The following NALF1 variants were observed in gnomAD, a reference collection of about 807,000 sequenced individuals.
NALF1 encodes the protein NALCN channel auxiliary factor 1, also known as family with sequence similarity 155 member A.
In NALF1, 3 loss-of-function variants were observed where a neutral mutation model predicts 48.4. The ratio of observed to expected loss-of-function variants is 0.06; its 90% CI spans 0.03 to 0.16. The LOEUF (loss-of-function observed/expected upper bound fraction) is 0.16, where lower values mean the gene tolerates loss of function less well. Among genes scored for constraint, NALF1 ranks in the 10% least tolerant of loss-of-function variants. The probability of loss-of-function intolerance (pLI) is 1.00; values close to 1 mark genes in which losing one functional copy is unlikely to be tolerated. For synonymous variants in NALF1, 262 were observed against 245.7 expected, an observed-to-expected ratio of 1.07 and a Z score of -0.62; for missense variants, 526 against 571.5, an observed-to-expected ratio of 0.92 and a Z score of 0.81.
intron 1 of NALF1, among the ~76,000 whole-genome samples, chr13:107,340,852 A>C (rs2138934300): frequency 6.6e-6 from 1 of 152,340 alleles, no homozygotes; most frequent in Non-Finnish European, 1.5e-5. Context: ...GCAATGGGAC[A>C]GCCTTTCAAC....
chr13:107,520,042 G>A (rs1876186114), intron 1 of NALF1, among the ~76,000 whole-genome samples: 1 of 152,146 alleles, frequency 6.6e-6, no homozygotes, highest in Non-Finnish European at 1.5e-5. Context: ...AATGCTTTAT[G>A]ATGATCTTTA....
rs1001113345 is a variant in NALF1, at chr13:107,198,144, C to T, written c.1087+12440G>A. ...TTTTAAATAGGTTTAATTTTTAGTG[C>T]AGTTTTAAATTTTCAGCAATATTGA... On this transcript the variant is annotated intron_variant, in intron 2 of 2. Transcript: ENST00000375915. Among the ~76,000 whole-genome samples, 7 of 152,098 alleles carry T rather than the reference C, an allele frequency of 4.6e-5. No individual in the cohort carries two copies. The South Asian group carries it at 1.2e-3, about 27-fold the overall frequency.
At position 107,684,028 on chromosome 13, in the gene NALF1, C is replaced by T. The variant is rs150425361; in HGVS notation, c.915+181654G>A. ...CCTTTCATCCATTTGTTCCCCATCT[C>T]GGCTGCCCAGAGCACTCCGGATTCA... is the stretch of plus-strand genomic sequence containing the variant. On this transcript the variant is annotated intron_variant, in intron 1 of 2. Coordinates refer to ENST00000375915, the MANE Select transcript of NALF1 (RefSeq NM_001080396.3). Among the ~76,000 whole-genome samples the T allele has an allele frequency of 1.3e-3, 191 of 152,296 alleles. 1 individual carries two copies. The highest frequency in any genetic ancestry group is 1.6e-3 in the Non-Finnish European group (108 of 68,032).
intron 1 of NALF1, among the ~76,000 whole-genome samples, chr13:107,386,466 A>C (rs2138978845): frequency 6.6e-6 from 1 of 152,272 alleles, no homozygotes; most frequent in Non-Finnish European, 1.5e-5. Context: ...TCTTCTCCTA[A>C]CTATTCATTC....
At chr13:107,276,286 A>G (rs1241101309) in intron 1 of NALF1, among the ~76,000 whole-genome samples, 2 of 152,200 alleles carry the variant, frequency 1.3e-5, no homozygotes, top group Admixed American at 1.3e-4. Flanking sequence ...GATGTCCAGA[A>G]TAGCTACTAA....
chr13:107,486,270 G>A (rs1049117122), intron 1 of NALF1, among the ~76,000 whole-genome samples: 2 of 152,076 alleles, frequency 1.3e-5, no homozygotes, highest in African/African-American at 4.8e-5. Flanking sequence ...GGACACTATG[G>A]GCTTTTTCTC....
At chr13:107,473,745 C>T (rs1885135837) in intron 1 of NALF1, among the ~76,000 whole-genome samples, 1 of 152,284 alleles carries the variant, frequency 6.6e-6, no homozygotes, top group East Asian at 1.9e-4. Context: ...CTGCTCCCTG[C>T]CCCAATGGTT....
intron 2 of NALF1, among the ~76,000 whole-genome samples, chr13:107,188,003 CATA>C (rs931508383): frequency 2.6e-5 from 4 of 152,164 alleles, no homozygotes; most frequent in East Asian, 1.9e-4. Flanking sequence ...TTCATTCAAT[CATA>C]ATAAGATTTA....
intron 1 of NALF1, among the ~76,000 whole-genome samples, chr13:107,647,649 G>A (rs1015482908): frequency 6.6e-6 from 1 of 151,992 alleles, no homozygotes; most frequent in Non-Finnish European, 1.5e-5. Context: ...GTGACAACTT[G>A]TATGGCCTGA....
rs66566638 is a variant in NALF1 at position 107,191,833 on chromosome 13, ATTT to A, written c.1087+18748_1087+18750del. Among the ~76,000 whole-genome samples, 430 of 112,172 alleles carry A rather than the reference ATTT, an allele frequency of 3.8e-3. 1 individual carries two copies. Among genetic ancestry groups the A allele is most frequent in the African/African-American group, 0.014 (382 of 28,272 alleles). 73.6% of individuals were successfully genotyped at this position (112,172 alleles called of 152,430 possible). A position where few individuals can be genotyped will look rare whatever the true frequency, so the allele number is the denominator to read the frequency against. ...ATTACAGGCTTGTGCCACTATGCCT[ATTT>A]TTTTTTTTTTTTTTTTTGTATTTTT... is the stretch of plus-strand genomic sequence containing the variant. On this transcript the variant is annotated intron_variant, in intron 2 of 2. Coordinates refer to ENST00000375915, the MANE Select transcript of NALF1 (RefSeq NM_001080396.3).
At chr13:107,652,352 GTTA>G (rs1327956019) in intron 1 of NALF1, among the ~76,000 whole-genome samples, 32 of 152,198 alleles carry the variant, frequency 2.1e-4, no homozygotes, top group African/African-American at 7.0e-4. Flanking sequence ...ATATTTAAAT[GTTA>G]TTATTAGAGA....
At chr13:107,680,382 G>A (rs1248038824) in intron 1 of NALF1, among the ~76,000 whole-genome samples, 1 of 149,108 alleles carries the variant, frequency 6.7e-6, no homozygotes, top group East Asian at 2.0e-4. Flanking sequence ...TTGCTCTCAT[G>A]CCGGCTCTTA....
At position 107,170,458 on chromosome 13, in the gene NALF1, G is replaced by A. The variant is rs1878775496; in HGVS notation, c.*39C>T. ...TGAGACAGCAGTTGCCATTTTTCAC[G>A]GCGGGCCAGCTGCTGCTGTGGTGAC... On this transcript the variant is annotated 3_prime_UTR_variant, in exon 3 of 3. Coordinates refer to ENST00000375915, the MANE Select transcript of NALF1 (RefSeq NM_001080396.3). 6.5e-7 allele frequency: 1 copy of A among 1,540,946 alleles called. No individual in the cohort carries two copies. Among genetic ancestry groups the A allele is most frequent in the African/African-American group, 1.4e-5 (1 of 73,998 alleles).
chr13:107,828,420 T>C (rs1353697566), intron 1 of NALF1, among the ~76,000 whole-genome samples: 1 of 151,764 alleles, frequency 6.6e-6, no homozygotes, highest in Non-Finnish European at 1.5e-5. Context: ...CTTCTAGAAC[T>C]CATCTCATTT....
At chr13:107,851,805 C>CATTTTTTTTTTTTTTTTTTTTTTTT (rs1555329721) in intron 1 of NALF1, among the ~76,000 whole-genome samples, 3 of 104,732 alleles carry the variant, frequency 2.9e-5, no homozygotes, top group East Asian at 2.9e-4. Flanking sequence ...CAGGCCCTTT[C>CATTTTTTTTTTTTTTTTTTTTTTTT]TTTTTTTTTT....
chr13:107,640,256 G>T (rs1463509202), intron 1 of NALF1, among the ~76,000 whole-genome samples: 1 of 152,032 alleles, frequency 6.6e-6, no homozygotes, highest in East Asian at 1.9e-4. Context: ...TTAGTCAGAG[G>T]AACAAAATAA....
intron 1 of NALF1, among the ~76,000 whole-genome samples, chr13:107,762,977 A>AC: frequency 6.6e-6 from 1 of 152,126 alleles, no homozygotes; most frequent in South Asian, 2.1e-4. Context: ...CAGAATTTCC[A>AC]CCCTCTGGAC....
At chr13:107,676,597 A>AT (rs907564526) in intron 1 of NALF1, among the ~76,000 whole-genome samples, 1 of 105,096 alleles carries the variant, frequency 9.5e-6, no homozygotes, top group African/African-American at 4.1e-5. Flanking sequence ...CATTAAATTA[A>AT]TTTAATTTAA....
At chr13:107,395,892 G>A (rs192794406) in intron 1 of NALF1, among the ~76,000 whole-genome samples, 8 of 152,056 alleles carry the variant, frequency 5.3e-5, no homozygotes, top group East Asian at 1.9e-4. Context: ...TAATGATCTC[G>A]TTTTATCTTA....
Sources: allele counts gnomAD v4.1 joint callset (sites outside exome capture counted in the v4.1 genomes callset), GRCh38; gene constraint gnomAD v4.1.1; transcripts MANE v1.5; gene names NCBI Gene and HGNC (gene_info 2026-07-23, HGNC 2026-07-21).